Variants in CDH8 observed in about 807,000 individuals in gnomAD.
The protein encoded by CDH8 is cadherin 8, also known as cadherin-8.
In CDH8, 17 loss-of-function variants were observed where a neutral mutation model predicts 68.1. The ratio of observed to expected loss-of-function variants is 0.25; its 90% CI spans 0.17 to 0.37. The LOEUF (loss-of-function observed/expected upper bound fraction) is 0.37. Ranked by LOEUF, CDH8 falls within the 10% of genes least tolerant of loss-of-function variation. The pLI is 1.00. For synonymous variants in CDH8, 372 were observed against 365.1 expected, an observed-to-expected ratio of 1.02 and a Z score of -0.21; for missense variants, 763 against 999.3, an observed-to-expected ratio of 0.76 and a Z score of 3.19.
At chr16:61,765,648 T>C (rs72798712) in intron 8 of CDH8, among the ~76,000 whole-genome samples, 14,559 of 152,042 alleles carry the variant, frequency 0.096, 825 homozygotes, top group African/African-American at 0.15. Context: ...AGAAAAGAAA[T>C]AACTTTATTG....
At chr16:61,866,962 C>T (rs117837882) in intron 3 of CDH8, among the ~76,000 whole-genome samples, 424 of 152,164 alleles carry the variant, frequency 2.8e-3, no homozygotes, top group Non-Finnish European at 4.2e-3. Flanking sequence ...CTAGAATGAG[C>T]TTACTTTTCT....
intron 10 of CDH8, among the ~76,000 whole-genome samples, chr16:61,664,086 T>A (rs1401046701): frequency 6.6e-6 from 1 of 151,876 alleles, no homozygotes; most frequent in African/African-American, 2.4e-5. Flanking sequence ...ACATCTTCCC[T>A]CCTCAGGGCT....
chr16:62,007,534 G>T (rs1965997492), intron 2 of CDH8, among the ~76,000 whole-genome samples: 1 of 152,112 alleles, frequency 6.6e-6, no homozygotes, highest in Non-Finnish European at 1.5e-5. Flanking sequence ...GCCAAGTCCT[G>T]TCAGCCTCAG....
At chr16:61,765,003 T>C (rs1018934866) in intron 8 of CDH8, among the ~76,000 whole-genome samples, 3 of 152,020 alleles carry the variant, frequency 2.0e-5, no homozygotes, top group African/African-American at 7.2e-5. Flanking sequence ...CAGAGAGATG[T>C]TTCAAGAATT....
At chr16:61,687,139 CATTA>C (rs1164467326) in intron 10 of CDH8, among the ~76,000 whole-genome samples, 2 of 151,808 alleles carry the variant, frequency 1.3e-5, no homozygotes, top group Admixed American at 6.6e-5. Flanking sequence ...GATTATAATA[CATTA>C]ATTATAGTCT....
intron 8 of CDH8, among the ~76,000 whole-genome samples, chr16:61,778,249 G>A (rs916721802): frequency 2.0e-5 from 3 of 152,020 alleles, no homozygotes; most frequent in Non-Finnish European, 4.4e-5. Context: ...TGGTGCTCTC[G>A]CTCTATGTCA....
chr16:61,742,076 G>A (rs374895175), intron 8 of CDH8, among the ~76,000 whole-genome samples: 9 of 151,990 alleles, frequency 5.9e-5, no homozygotes, highest in East Asian at 3.9e-4. Context: ...GTAATGTTTT[G>A]TAGTATTCTG....
At chr16:61,965,168 C>T (rs1965225554) in intron 2 of CDH8, among the ~76,000 whole-genome samples, 1 of 152,222 alleles carries the variant, frequency 6.6e-6, no homozygotes, top group African/African-American at 2.4e-5. Flanking sequence ...GGCATCACTT[C>T]TGTCTAACTA....
intron 3 of CDH8, among the ~76,000 whole-genome samples, chr16:61,871,060 G>A (rs146689356): frequency 6.6e-6 from 1 of 152,132 alleles, no homozygotes; most frequent in East Asian, 1.9e-4. Context: ...AATTACTGAT[G>A]TGTTTTTGTA....
In CDH8 at chr16:61,817,543, C is replaced by T; in HGVS notation, c.1213G>A (p.Ala405Thr). The change falls in exon 7 of 12, where the codon GCT (alanine) becomes ACT (threonine). Residue 405 changes from alanine (A) to threonine (T), a missense_variant. This residue lies in a region of CDH8 where 366 missense variants were observed against 563.1 expected (regional missense o/e 0.65). Transcript: ENST00000577390. ...ACTTGCCCAATCACGGAGTTTAGAGCAGCATTTTCATGAACTTCAAGTAGG... is the reference window on the plus strand; with the variant it reads ...ACTTGCCCAATCACGGAGTTTAGAGTAGCATTTTCATGAACTTCAAGTAGG... ...TYLLEVHENA[A>T]LNSVIGQVTA... 1.2e-6 allele frequency: 2 copies of T among 1,613,898 alleles called. No homozygotes were observed. The highest frequency in any genetic ancestry group is 8.5e-7 in the Non-Finnish European group (1 of 1,179,886).
intron 3 of CDH8, among the ~76,000 whole-genome samples, chr16:61,867,264 T>A (rs2143022544): frequency 6.6e-6 from 1 of 152,318 alleles, no homozygotes; most frequent in Admixed American, 6.5e-5. Context: ...TAAATTAGGC[T>A]AATCTCCTAT....
chr16:61,878,415 G>T (rs971574732), intron 3 of CDH8, among the ~76,000 whole-genome samples: 1 of 152,166 alleles, frequency 6.6e-6, no homozygotes, highest in African/African-American at 2.4e-5. Context: ...ATAGCACCAT[G>T]ATTTTGTTCT....
chr16:61,975,299 G>C (rs1339442345), intron 2 of CDH8, among the ~76,000 whole-genome samples: 1 of 152,144 alleles, frequency 6.6e-6, no homozygotes, highest in Admixed American at 6.5e-5. Flanking sequence ...CCAAGAGAAA[G>C]GCTGCTCAGG....
chr16:61,858,154 G>A (rs1017025479), intron 3 of CDH8, among the ~76,000 whole-genome samples: 4 of 152,030 alleles, frequency 2.6e-5, no homozygotes, highest in African/African-American at 9.7e-5. Flanking sequence ...ATAAGAGGAG[G>A]AAGGGTCAAA....
chr16:61,717,978 T>C (rs1258955771), intron 9 of CDH8, among the ~76,000 whole-genome samples: 1 of 151,416 alleles, frequency 6.6e-6, no homozygotes, highest in Non-Finnish European at 1.5e-5. Context: ...TATGTATATA[T>C]ACACACATAC....
chr16:61,782,658 A>G (rs1030067082), intron 8 of CDH8, among the ~76,000 whole-genome samples: 2 of 152,204 alleles, frequency 1.3e-5, no homozygotes, highest in African/African-American at 4.8e-5. Flanking sequence ...ACAAAAAGAC[A>G]GCAGTAACCT....
intron 10 of CDH8, among the ~76,000 whole-genome samples, chr16:61,669,056 GT>G (rs1163132524): frequency 6.6e-6 from 1 of 152,004 alleles, no homozygotes; most frequent in Non-Finnish European, 1.5e-5. Flanking sequence ...AAGGTAGTGT[GT>G]TTTCTAAATA....
chr16:61,971,942 C>A (rs564533339), intron 2 of CDH8, among the ~76,000 whole-genome samples: 1 of 151,992 alleles, frequency 6.6e-6, no homozygotes, highest in African/African-American at 2.4e-5. Context: ...GAAAGAAACT[C>A]GAAGATTGGA....
rs544678296 is a variant in CDH8 at position 62,013,225 on chromosome 16, G to A, written c.252+7927C>T. Among the ~76,000 whole-genome samples, 216 of 22,362 alleles carry A rather than the reference G, an allele frequency of 9.7e-3. 58 individuals carry two copies. The highest frequency in any genetic ancestry group is 0.024 in the Middle Eastern group (1 of 42). 14.7% of individuals were successfully genotyped at this position (22,362 alleles called of 152,430 possible). A position where few individuals can be genotyped will look rare whatever the true frequency, so the allele number is the denominator to read the frequency against. On this transcript the variant is annotated intron_variant, in intron 2 of 11. Coordinates refer to ENST00000577390, the MANE Select transcript of CDH8 (RefSeq NM_001796.5). ...AGCCGAGATTGTGCCACTGCAGTCC[G>A]CAGTCCGGCCTGGGCGACAGAGCGA...
Sources: gnomAD v4.1 joint callset for allele counts (sites outside exome capture counted in the v4.1 genomes callset) on GRCh38, gnomAD v4.1.1 for gene constraint, gnomAD v4.1.1 regional missense constraint, MANE v1.5 for transcripts, NCBI Gene and HGNC (gene_info 2026-07-23, HGNC 2026-07-21) for gene names.